BTN3A2: variants seen among roughly 807,000 people sequenced by gnomAD.
BTN3A2 encodes the protein butyrophilin subfamily 3 member A2.
BTN3A2 carries 25 observed loss-of-function variants against 37.6 expected under a neutral mutation model. The ratio of observed to expected loss-of-function variants is 0.66; its 90% confidence interval spans 0.48 to 0.93. The LOEUF (loss-of-function observed/expected upper bound fraction) is 0.93, where lower values mean the gene tolerates loss of function less well. Among genes scored for constraint, BTN3A2 ranks in the 40% least tolerant of loss-of-function variants. The pLI is 0.00. For synonymous variants in BTN3A2, 122 were observed against 159.4 expected (o/e 0.77, Z 1.77); for missense variants, 266 against 410.9 (o/e 0.65, Z 3.05).
At position 26,376,702 on chromosome 6, in the gene BTN3A2, G is replaced by A; in HGVS notation, c.*940G>A. ...CCTGAGAGATTTGAATGGCGTTACT[G>A]TGTGCTTGGCTGTGAAAGCTTCATG... On this transcript the variant is annotated 3_prime_UTR_variant, in exon 11 of 11. Coordinates refer to ENST00000377708, the MANE Select transcript of BTN3A2 (RefSeq NM_007047.5). The A allele has an allele frequency of 1.3e-6, 2 of 1,560,914 alleles. No individual in the cohort carries two copies. The highest frequency in any genetic ancestry group is 1.1e-5 in the South Asian group (1 of 89,904).
At chr6:26,374,697 T>TAGTG in intron 9 of BTN3A2, 74 bp from the exon 10 acceptor site, 1 of 1,402,038 alleles carries the variant, frequency 7.1e-7, no homozygotes, top group Non-Finnish European at 1.0e-6. Flanking sequence ...AGAAAACATG[T>TAGTG]AGTGAGAGGA....
chr6:26,369,289 G>A (rs979742703), intron 4 of BTN3A2, among the ~76,000 whole-genome samples: 1 of 152,210 alleles, frequency 6.6e-6, no homozygotes, highest in Non-Finnish European at 1.5e-5. Flanking sequence ...GTCCTGGGAG[G>A]TGGAATAGTG....
Position 26,374,696 on chromosome 6 carries a change from G to A in BTN3A2, c.*7-75G>A. On this transcript the variant is annotated intron_variant, in intron 9 of 10. Transcript: ENST00000377708. ...CTCTAAAGAAAAGGAGAGAAAACATGTAGTGAGAGGAGAATGGAGTGGGAA... is the reference window on the plus strand; with the variant it reads ...CTCTAAAGAAAAGGAGAGAAAACATATAGTGAGAGGAGAATGGAGTGGGAA... 3.6e-6 allele frequency: 5 copies of A among 1,401,000 alleles called. No homozygotes were observed. In the Admixed American group the frequency reaches 9.3e-5, roughly 26 times the overall value. The allele number at this position is 1,401,000 out of a possible 1,614,324, so 86.8% of individuals were successfully genotyped here.
Position 26,370,562 on chromosome 6 carries a change from C to G in BTN3A2, c.674C>G (p.Ser225Cys). The G allele has an allele frequency of 2.5e-6, 4 of 1,614,212 alleles. No individual in the cohort carries two copies. Among genetic ancestry groups the G allele is most frequent in the Non-Finnish European group, 3.4e-6 (4 of 1,180,036 alleles). The change falls in exon 5 of 11, where the codon TCC becomes TGC. Residue 225 changes from serine to cysteine, a missense_variant. Ser to Cys is a moderately radical substitution (Grantham distance 112). Transcript: ENST00000377708. The part of the protein sequence containing the change: ...GEGVSCIIRN[S>C]LLGLEKTASI... Reference sequence around the variant, plus strand: ...GGTGTATCCTGCATCATCAGAAATTCCCTCCTCGGCCTGGAAAAGACAGCC... The same window carrying G: ...GGTGTATCCTGCATCATCAGAAATTGCCTCCTCGGCCTGGAAAAGACAGCC...
chr6:26,365,886 G>A (rs1561795440), intron 1 of BTN3A2, among the ~76,000 whole-genome samples: 1 of 152,116 alleles, frequency 6.6e-6, no homozygotes, highest in African/African-American at 2.4e-5. Context: ...GTGGGGAATA[G>A]ACAAACAATG....
In BTN3A2 at chr6:26,365,238, T is replaced by C; in HGVS notation, c.-181T>C. On this transcript the variant is annotated 5_prime_UTR_variant, in exon 1 of 11. Coordinates refer to ENST00000377708, the MANE Select transcript of BTN3A2 (RefSeq NM_007047.5). ...TCATGGTGAGAAGACAATATTTGCT[T>C]TCTCTTTTTCCTTTCTTCCGGATGA... 2.8e-6 allele frequency: 4 copies of C among 1,428,914 alleles called. No homozygotes were observed. Among genetic ancestry groups the C allele is most frequent in the Non-Finnish European group, 3.8e-6 (4 of 1,052,808 alleles). The allele number at this position is 1,428,914 out of a possible 1,614,324, so 88.5% of individuals were successfully genotyped here.
At chr6:26,370,973 A>G (rs1168405390) in intron 5 of BTN3A2, among the ~76,000 whole-genome samples, 2 of 152,200 alleles carry the variant, frequency 1.3e-5, no homozygotes, top group African/African-American at 4.8e-5. Context: ...AAAACCTAGT[A>G]AAAAGTTTTG....
At chr6:26,370,741 T>C in intron 5 of BTN3A2, 138 bp downstream of exon 5, 1 of 1,420,804 alleles carries the variant, frequency 7.0e-7, no homozygotes, top group Middle Eastern at 2.0e-4. Context: ...GGCTCCTCTT[T>C]GTGCCAGGGG....
chr6:26,374,577 C>G (rs1760482543), intron 9 of BTN3A2, 194 bp from the exon 10 acceptor site: 1 of 839,192 alleles, frequency 1.2e-6, no homozygotes, highest in Admixed American at 2.7e-5. Flanking sequence ...CCTGCACCCC[C>G]CATGACACAG....
intron 5 of BTN3A2, among the ~76,000 whole-genome samples, chr6:26,371,750 C>T (rs752710702): frequency 2.6e-5 from 4 of 152,032 alleles, no homozygotes; most frequent in Non-Finnish European, 5.9e-5. Context: ...GCAATCTCAG[C>T]TCGCTGCAGC....
At chr6:26,370,953 G>C (rs1172368187) in intron 5 of BTN3A2, among the ~76,000 whole-genome samples, 1 of 152,124 alleles carries the variant, frequency 6.6e-6, no homozygotes, top group Non-Finnish European at 1.5e-5. Context: ...TGAATCAGAA[G>C]GAGATTCTAA....
chr6:26,376,904 C>A lies in BTN3A2; in HGVS notation c.*1142C>A. 1 of 1,613,828 alleles carries A rather than the reference C, an allele frequency of 6.2e-7. No homozygotes were observed. The highest frequency in any genetic ancestry group is 8.5e-7 in the Non-Finnish European group (1 of 1,179,830). ...ATCGGGCTCTCACTGAGCCCAGAAC[C>A]AACCTGAAACTTCCTGAGCCTCCTA... On this transcript the variant is annotated 3_prime_UTR_variant, in exon 11 of 11. Coordinates refer to ENST00000377708, the MANE Select transcript of BTN3A2 (RefSeq NM_007047.5).
rs748323776 is a variant in BTN3A2 at position 26,378,017 on chromosome 6, G to A, written c.*2255G>A. 3.9e-5 allele frequency: 6 copies of A among 152,220 alleles called. No individual in the cohort carries two copies. Among genetic ancestry groups the A allele is most frequent in the Non-Finnish European group, 7.3e-5 (5 of 68,066 alleles). 9.4% of individuals were successfully genotyped at this position (152,220 alleles called of 1,614,324 possible). On this transcript the variant is annotated 3_prime_UTR_variant, in exon 11 of 11. Transcript: ENST00000377708. ...CCAGAGCCAGCCTTCCTTCAGTCAA[G>A]GTTTCCAGGCAGAGCAAATACCCTA...
chr6:26,366,552 G>A (rs1294584008), intron 1 of BTN3A2, among the ~76,000 whole-genome samples: 1 of 152,164 alleles, frequency 6.6e-6, no homozygotes, highest in Non-Finnish European at 1.5e-5. Context: ...TTCTCCCTCT[G>A]AGGACAGCAG....
Position 26,368,033 on chromosome 6 carries a change from C to T in BTN3A2, c.-23C>T, listed in dbSNP as rs1322207457. ...ACCCAAAGGTAAAGACACTCAAGGACAGACATTTTTGGCAGAGGTAAGATC... is the reference window on the plus strand; with the variant it reads ...ACCCAAAGGTAAAGACACTCAAGGATAGACATTTTTGGCAGAGGTAAGATC... On this transcript the variant is annotated 5_prime_UTR_variant, in exon 2 of 11. Transcript: ENST00000377708. The T allele has an allele frequency of 4.8e-6, 7 of 1,472,442 alleles. No homozygotes were observed. Among genetic ancestry groups the T allele is most frequent in the Non-Finnish European group, 5.4e-6 (6 of 1,109,306 alleles). The allele number at this position is 1,472,442 out of a possible 1,614,324, so 91.2% of individuals were successfully genotyped here.
rs188499551 is a variant in BTN3A2, at chr6:26,373,427, A to G, written c.964+14A>G. The G allele has an allele frequency of 2.9e-5, 46 of 1,599,734 alleles. No homozygotes were observed. The African/African-American group carries it at 6.1e-4, about 21-fold the overall frequency. Reference sequence around the variant, plus strand: ...AGTACTTGACTCGTGAGTGGCTTTGACATTTTCTCTGAATTCAAATCTGTT... The same window carrying G: ...AGTACTTGACTCGTGAGTGGCTTTGGCATTTTCTCTGAATTCAAATCTGTT... On this transcript the variant is annotated intron_variant, in intron 8 of 10. Coordinates refer to ENST00000377708, the MANE Select transcript of BTN3A2 (RefSeq NM_007047.5).
chr6:26,373,366 TCCC>T lies in BTN3A2; in HGVS notation c.938-20_938-18del. The stretch of plus-strand genomic sequence containing the variant: ...TCGCTTTGAGCACCTTGATGACTCT[TCCC>T]TGTTCATTCCATTGCAGAGAGGAAA... On this transcript the variant is annotated intron_variant, in intron 7 of 10. Coordinates refer to ENST00000377708, the MANE Select transcript of BTN3A2 (RefSeq NM_007047.5). 1 of 1,605,690 alleles carries T rather than the reference TCCC, an allele frequency of 6.2e-7. No homozygotes were observed.
intron 4 of BTN3A2, among the ~76,000 whole-genome samples, chr6:26,369,998 G>T (rs1232297772): frequency 6.6e-6 from 1 of 152,176 alleles, no homozygotes; most frequent in Non-Finnish European, 1.5e-5. Context: ...GTTACCCTCA[G>T]GCTGGCTGCA....
In BTN3A2 at chr6:26,374,330, G is replaced by A; in HGVS notation, c.968G>A (p.Gly323Glu). 6.2e-7 allele frequency: 1 copy of A among 1,613,250 alleles called. No homozygotes were observed. The highest frequency in any genetic ancestry group is 8.5e-7 in the Non-Finnish European group (1 of 1,179,760). The change falls in exon 9 of 11, where the codon GGA becomes GAA. Residue 323 changes from glycine to glutamate, a missense_variant. Physicochemically the swap from Gly to Glu is moderately conservative, Grantham distance 98. This residue lies in a region of BTN3A2 where 204 missense variants were observed against 232.6 expected (regional missense o/e 0.88). Transcript: ENST00000377708. ...KRKKIQYLTR[G>E]EESSSDTNKS... ...CTCTACCTTTCTTTCATTGTAGGTG[G>A]AGAGGAGTCTTCGTCCGATACCAAT...
Sources: allele counts gnomAD v4.1 joint callset (sites outside exome capture counted in the v4.1 genomes callset), GRCh38; gene constraint gnomAD v4.1.1; regional missense constraint gnomAD v4.1.1; transcripts MANE v1.5; gene names NCBI Gene and HGNC (gene_info 2026-07-23, HGNC 2026-07-21).